OXR1: variants seen among roughly 807,000 people sequenced by gnomAD.
The protein encoded by OXR1 is oxidation resistance protein 1.
OXR1 carries 41 observed loss-of-function variants against 104.6 expected under a neutral mutation model. The ratio of observed to expected loss-of-function variants is 0.39; its 90% CI spans 0.31 to 0.51. OXR1 has a LOEUF of 0.51. Ranked by LOEUF, OXR1 falls within the 20% of genes least tolerant of loss-of-function variation. The pLI, the probability that OXR1 is intolerant of heterozygous loss-of-function variation, is 0.77. For missense variants in OXR1, 955 were observed against 1,031.9 expected (o/e 0.93, Z 1.02); for synonymous variants, 348 against 348.4 (o/e 1.00, Z 0.01).
intron 3 of OXR1, among the ~76,000 whole-genome samples, chr8:106,582,950 A>C (rs1333981357): frequency 2.6e-5 from 4 of 152,184 alleles, no homozygotes; most frequent in Admixed American, 2.6e-4. Flanking sequence ...CTCAGCCAAA[A>C]CTAAAACAAA....
At chr8:106,619,625 T>G (rs896084405) in intron 3 of OXR1, among the ~76,000 whole-genome samples, 1 of 152,136 alleles carries the variant, frequency 6.6e-6, no homozygotes, top group Non-Finnish European at 1.5e-5. Context: ...CTAGTTCAAA[T>G]TTGAGAGGTA....
chr8:106,492,112 CA>C (rs1161071503), intron 2 of OXR1, among the ~76,000 whole-genome samples: 1 of 152,166 alleles, frequency 6.6e-6, no homozygotes, highest in Non-Finnish European at 1.5e-5. Flanking sequence ...GCCTGATGTC[CA>C]TCTGATATCA....
In OXR1 at chr8:106,706,999, A is replaced by G. The variant is rs914716922; in HGVS notation, c.1478A>G (p.Gln493Arg). Reference sequence around the variant, plus strand: ...GGAAAACAAGGAAAGGAGCAAAATCAGGACTCACAGACAGAGGCAGAAGAG... The same window carrying G: ...GGAAAACAAGGAAAGGAGCAAAATCGGGACTCACAGACAGAGGCAGAAGAG... ...NKGKQGKEQN[Q>R]DSQTEAEELR... The change falls in exon 9 of 17, where the codon CAG becomes CGG. Residue 493 changes from glutamine to arginine, a missense_variant. Gln to Arg is a conservative substitution (Grantham distance 43, BLOSUM62 1). Transcript: ENST00000517566. The G allele has an allele frequency of 9.9e-6, 16 of 1,613,928 alleles. No homozygotes were observed. Among genetic ancestry groups the G allele is most frequent in the Non-Finnish European group, 1.4e-5 (16 of 1,179,944 alleles).
intron 16 of OXR1, among the ~76,000 whole-genome samples, chr8:106,747,378 A>G (rs752070882): frequency 3.3e-5 from 5 of 152,240 alleles, no homozygotes; most frequent in Non-Finnish European, 7.3e-5. Flanking sequence ...ACCTAAACTG[A>G]TAGCCACCTT....
chr8:106,274,622 T>G (rs1586459718), intron 1 of OXR1, among the ~76,000 whole-genome samples: 1 of 55,372 alleles, frequency 1.8e-5, no homozygotes, highest in East Asian at 8.1e-4. Flanking sequence ...ACCCCGCCCT[T>G]TCTCCTGTGC....
chr8:106,617,395 C>G (rs1049313982), intron 3 of OXR1, among the ~76,000 whole-genome samples: 2 of 152,068 alleles, frequency 1.3e-5, no homozygotes, highest in African/African-American at 4.8e-5. Flanking sequence ...CGCCACTGTA[C>G]TCCAGCCTGG....
intron 2 of OXR1, among the ~76,000 whole-genome samples, chr8:106,466,879 G>A (rs1320727224): frequency 2.6e-5 from 4 of 151,730 alleles, no homozygotes; most frequent in Non-Finnish European, 5.9e-5. Flanking sequence ...TACTATTGAT[G>A]GCTAATAGAT....
rs375144963 is a variant in OXR1, at chr8:106,590,235, A to T, written c.220+71096A>T. On this transcript the variant is annotated intron_variant, in intron 3 of 16. Coordinates refer to ENST00000517566, the MANE Select transcript of OXR1 (RefSeq NM_001198533.2). ...CAGTTATTAATATTATTCTTTCCCC[A>T]TTTCCATCTAAATGACTGCGGCAAT... 3.3e-5 allele frequency among the ~76,000 whole-genome samples: 5 copies of T among 152,236 alleles called. No homozygotes were observed. In the East Asian group the frequency reaches 9.6e-4, roughly 29 times the overall value.
intron 3 of OXR1, among the ~76,000 whole-genome samples, chr8:106,632,227 T>G (rs1213419170): frequency 3.3e-5 from 5 of 152,206 alleles, no homozygotes. Context: ...AAATATTACC[T>G]TCAAGTGGTG....
chr8:106,716,014 C>T (rs1458741787), intron 11 of OXR1, among the ~76,000 whole-genome samples: 1 of 152,126 alleles, frequency 6.6e-6, no homozygotes, highest in African/African-American at 2.4e-5. Flanking sequence ...TCATGTAATG[C>T]CACTAAGGGA....
At chr8:106,716,352 C>T (rs1462724024) in intron 11 of OXR1, among the ~76,000 whole-genome samples, 1 of 94,928 alleles carries the variant, frequency 1.1e-5, no homozygotes, top group Non-Finnish European at 2.2e-5. Flanking sequence ...AGGCCGGGCG[C>T]GGTGGCTCAC....
chr8:106,419,828 C>T (rs1182104529), intron 2 of OXR1, among the ~76,000 whole-genome samples: 1 of 152,080 alleles, frequency 6.6e-6, no homozygotes, highest in East Asian at 1.9e-4. Flanking sequence ...TAACTCCAAA[C>T]ACTATGGAAA....
rs1037592226 is a variant in OXR1 at position 106,679,400 on chromosome 8, T to A, written c.303+108T>A. 2.3e-5 allele frequency: 11 copies of A among 486,384 alleles called. No individual in the cohort carries two copies. The South Asian group carries it at 4.3e-4, about 19-fold the overall frequency. The allele number at this position is 486,384 out of a possible 1,614,324, so 30.1% of individuals were successfully genotyped here. A position where few individuals can be genotyped will look rare whatever the true frequency, so the allele number is the denominator to read the frequency against. ...CAAGCATTGTTAATTGCCTTATTTT[T>A]AAAAATCTGTATTTCACTTTGGATA... is the stretch of plus-strand genomic sequence containing the variant. On this transcript the variant is annotated intron_variant, in intron 4 of 16. Coordinates refer to ENST00000517566, the MANE Select transcript of OXR1 (RefSeq NM_001198533.2).
At chr8:106,728,899 G>A (rs1431617821) in intron 11 of OXR1, among the ~76,000 whole-genome samples, 1 of 151,892 alleles carries the variant, frequency 6.6e-6, no homozygotes, top group East Asian at 1.9e-4. Flanking sequence ...CTTAGTTTAG[G>A]CCGTCATATA....
intron 2 of OXR1, among the ~76,000 whole-genome samples, chr8:106,396,101 A>G (rs1817770674): frequency 6.6e-6 from 1 of 152,112 alleles, no homozygotes; most frequent in Non-Finnish European, 1.5e-5. Context: ...ATACATACAT[A>G]CATAAATACA....
intron 3 of OXR1, among the ~76,000 whole-genome samples, chr8:106,646,602 T>C (rs747454378): frequency 3.3e-5 from 5 of 151,968 alleles, no homozygotes; most frequent in Admixed American, 2.0e-4. Context: ...TACAGCAATA[T>C]GTGAAGACCC....
intron 3 of OXR1, among the ~76,000 whole-genome samples, chr8:106,540,788 G>A (rs1419798199): frequency 6.6e-6 from 1 of 152,208 alleles, no homozygotes; most frequent in African/African-American, 2.4e-5. Context: ...AAAAGAGAGA[G>A]CTCGTGCAGG....
intron 2 of OXR1, among the ~76,000 whole-genome samples, chr8:106,405,179 TATATATATATATATATATATATA>T (rs1321273975): frequency 0.027 from 655 of 24,302 alleles, 10 homozygotes; most frequent in African/African-American, 0.12. Context: ...TATATATATA[TATATATATATATATATATATATA>T]GTGTGTGTGT....
chr8:106,390,609 T>A (rs1395447851), intron 2 of OXR1, among the ~76,000 whole-genome samples: 1 of 152,190 alleles, frequency 6.6e-6, no homozygotes, highest in Non-Finnish European at 1.5e-5. Flanking sequence ...CAGGTGTTCA[T>A]AAGTATTGCA....
Sources: allele counts gnomAD v4.1 joint callset (sites outside exome capture counted in the v4.1 genomes callset), GRCh38; gene constraint gnomAD v4.1.1; transcripts MANE v1.5; gene names NCBI Gene and HGNC (gene_info 2026-07-23, HGNC 2026-07-21).